Variants in ADARB2 observed in about 807,000 individuals in gnomAD.
ADARB2 encodes the protein adenosine deaminase RNA specific B2 (inactive), also known as inactive double-stranded RNA-specific editase B2.
ADARB2 carries 25 observed loss-of-function variants against 62.2 expected under a neutral mutation model. The observed-to-expected ratio is 0.40, with a 90% confidence interval of 0.29 to 0.56. The LOEUF (loss-of-function observed/expected upper bound fraction) is 0.56. Among genes scored for constraint, ADARB2 ranks in the 20% least tolerant of loss-of-function variants. The pLI, the probability that ADARB2 is intolerant of heterozygous loss-of-function variation, is 0.43. For synonymous variants in ADARB2, 572 were observed against 500.8 expected (o/e 1.14, Z -1.90); for missense variants, 1,071 against 1,077.4 (o/e 0.99, Z 0.08).
At chr10:1,427,862 C>T (rs1310293487) in intron 1 of ADARB2, among the ~76,000 whole-genome samples, 2 of 152,178 alleles carry the variant, frequency 1.3e-5, no homozygotes, top group Non-Finnish European at 2.9e-5. Context: ...GTTAAACACA[C>T]CATGGTCATA....
In ADARB2 at chr10:1,363,385, G is replaced by C. The variant is rs930631808; in HGVS notation, c.720C>G (p.Arg240=). The change falls in exon 3 of 10, where the codon CGC becomes CGG. Residue 240 remains arginine, a synonymous_variant. Transcript: ENST00000381312. ...CGGACAGAAGCGCGGCGTCCCCGGG[G>C]CGGCCTCCCGCGAGTCCGGGGCGCG... ...PAPRPGLAGG[R]PGDAALLSAA... is the part of the protein sequence containing the mutation. The C allele has an allele frequency of 1.5e-6, 2 of 1,332,196 alleles. No individual in the cohort carries two copies. The highest frequency in any genetic ancestry group is 3.1e-5 in the African/African-American group (2 of 64,594). 82.5% of individuals were successfully genotyped at this position (1,332,196 alleles called of 1,614,324 possible).
At chr10:1,631,696 C>A (rs1833845583) in intron 1 of ADARB2, among the ~76,000 whole-genome samples, 1 of 152,132 alleles carries the variant, frequency 6.6e-6, no homozygotes, top group Admixed American at 6.5e-5. Flanking sequence ...GTGTGGGCTG[C>A]AGTGCAGGAC....
rs115766385 is a variant in ADARB2 at position 1,186,886 on chromosome 10, C to T, written c.1865-1847G>A. ...CCGGGAGGAAGCTGTCCCCACGTCA[C>T]GTGGTAGCACAGCTCATAACACCTT... On this transcript the variant is annotated intron_variant, in intron 8 of 9. Coordinates refer to ENST00000381312, the MANE Select transcript of ADARB2 (RefSeq NM_018702.4). 3.2e-3 allele frequency among the ~76,000 whole-genome samples: 490 copies of T among 152,346 alleles called. 1 individual carries two copies. Among genetic ancestry groups the T allele is most frequent in the African/African-American group, 0.011 (473 of 41,574 alleles).
chr10:1,708,288 GA>G (rs1424488200), intron 1 of ADARB2, among the ~76,000 whole-genome samples: 1 of 152,036 alleles, frequency 6.6e-6, no homozygotes, highest in African/African-American at 2.4e-5. Context: ...GAAGAAAAGG[GA>G]CCCTGGGCTC....
rs182909123 is a variant in ADARB2, at chr10:1,481,813, T to C, written c.101-102653A>G. ...TGAAGTTTGCAGTGAGCTGAGATTG[T>C]GCCACTGCACTCCAGCCTGGACGAC... is the stretch of plus-strand genomic sequence containing the variant. On this transcript the variant is annotated intron_variant, in intron 1 of 9. Transcript: ENST00000381312. Among the ~76,000 whole-genome samples, 69 of 147,200 alleles carry C rather than the reference T, an allele frequency of 4.7e-4. No individual in the cohort carries two copies. In the South Asian group the frequency reaches 7.0e-3, roughly 15 times the overall value.
At chr10:1,635,677 G>A (rs1013302267) in intron 1 of ADARB2, among the ~76,000 whole-genome samples, 14 of 152,184 alleles carry the variant, frequency 9.2e-5, no homozygotes, top group African/African-American at 3.4e-4. Flanking sequence ...GAACGGAACT[G>A]GCTGGCCACA....
At chr10:1,228,592 C>T (rs1040167001) in intron 6 of ADARB2, among the ~76,000 whole-genome samples, 1 of 152,210 alleles carries the variant, frequency 6.6e-6, no homozygotes, top group Non-Finnish European at 1.5e-5. Flanking sequence ...CCTTAACTGA[C>T]CTGGCCCCTC....
chr10:1,582,400 C>T (rs866229757), intron 1 of ADARB2, among the ~76,000 whole-genome samples: 1 of 152,208 alleles, frequency 6.6e-6, no homozygotes, highest in African/African-American at 2.4e-5. Flanking sequence ...TTTGACTCCA[C>T]ATTTTATGCC....
chr10:1,267,849 T>C (rs1344010400), intron 4 of ADARB2, among the ~76,000 whole-genome samples: 1 of 152,182 alleles, frequency 6.6e-6, no homozygotes, highest in Non-Finnish European at 1.5e-5. Context: ...TGGGAATATC[T>C]GCAACACTCT....
chr10:1,643,698 C>A (rs1834003677), intron 1 of ADARB2, among the ~76,000 whole-genome samples: 3 of 152,198 alleles, frequency 2.0e-5, no homozygotes, highest in South Asian at 4.1e-4. Context: ...GGCTTCATGA[C>A]CACAAAGGTC....
intron 1 of ADARB2, among the ~76,000 whole-genome samples, chr10:1,544,999 C>T (rs1832498738): frequency 5.3e-5 from 1 of 18,740 alleles, no homozygotes; most frequent in African/African-American, 9.7e-5. Context: ...TCCCTTGCAG[C>T]AGGAATGTGG....
At chr10:1,400,904 C>T (rs530006939) in intron 1 of ADARB2, among the ~76,000 whole-genome samples, 6 of 152,316 alleles carry the variant, frequency 3.9e-5, no homozygotes, top group African/African-American at 1.2e-4. Context: ...CAGCTAAGGC[C>T]TCAGCGACGG....
intron 4 of ADARB2, among the ~76,000 whole-genome samples, chr10:1,257,647 T>G (rs959112471): frequency 9.9e-5 from 15 of 152,024 alleles, no homozygotes; most frequent in Non-Finnish European, 1.8e-4. Flanking sequence ...AGTGAGGGTG[T>G]GTGGGAAAGA....
At chr10:1,714,301 G>A (rs374893627) in intron 1 of ADARB2, among the ~76,000 whole-genome samples, 38 of 152,304 alleles carry the variant, frequency 2.5e-4, no homozygotes, top group South Asian at 1.9e-3. Context: ...ATCTAGAACC[G>A]GCATGAGGAC....
intron 1 of ADARB2, among the ~76,000 whole-genome samples, chr10:1,589,448 C>T (rs1169346542): frequency 1.3e-5 from 2 of 151,554 alleles, no homozygotes; most frequent in South Asian, 2.1e-4. Flanking sequence ...TGTCCATGGT[C>T]GGGGTGTCCA....
At chr10:1,260,973 G>T (rs529081351) in intron 4 of ADARB2, among the ~76,000 whole-genome samples, 2 of 116,676 alleles carry the variant, frequency 1.7e-5, no homozygotes, top group South Asian at 3.7e-4. Context: ...CAATGGAACA[G>T]AACAGAGCCC....
intron 1 of ADARB2, chr10:1,535,538 T>C (rs1475899427): frequency 1.2e-5 from 2 of 167,114 alleles, no homozygotes; most frequent in Non-Finnish European, 2.9e-5. Flanking sequence ...CTTTGGAAAT[T>C]GTAACAAATT....
intron 1 of ADARB2, among the ~76,000 whole-genome samples, chr10:1,423,404 G>A (rs1485857883): frequency 1.3e-5 from 2 of 152,216 alleles, no homozygotes; most frequent in Non-Finnish European, 2.9e-5. Flanking sequence ...CTGAGCACCC[G>A]GCCTTGAGCC....
At chr10:1,539,409 C>G (rs1832381502) in intron 1 of ADARB2, among the ~76,000 whole-genome samples, 1 of 152,164 alleles carries the variant, frequency 6.6e-6, no homozygotes. Context: ...ACCCATCGAC[C>G]AGTGCTGTGT....
Sources: gnomAD v4.1 joint callset for allele counts (sites outside exome capture counted in the v4.1 genomes callset) on GRCh38, gnomAD v4.1.1 for gene constraint, MANE v1.5 for transcripts, NCBI Gene and HGNC (gene_info 2026-07-23, HGNC 2026-07-21) for gene names.